BBS9: variants seen among roughly 807,000 people sequenced by gnomAD.
BBS9 encodes the protein protein PTHB1.
Under a neutral mutation model 117.7 loss-of-function variants are expected in BBS9, and 89 were observed. That is an observed-to-expected ratio of 0.76 (90% confidence interval 0.64 to 0.90). BBS9 has a LOEUF of 0.90. Among genes scored for constraint, BBS9 ranks in the 40% least tolerant of loss-of-function variants. The pLI is 0.00. For missense variants in BBS9, 982 were observed against 1,042.2 expected, an observed-to-expected ratio of 0.94 and a Z score of 0.80; for synonymous variants, 379 against 370.9, an observed-to-expected ratio of 1.02 and a Z score of -0.25.
chr7:33,296,588 C>G (rs148729901), intron 9 of BBS9, among the ~76,000 whole-genome samples: 190 of 152,280 alleles, frequency 1.2e-3, no homozygotes, highest in South Asian at 6.8e-3. Context: ...TGGCAATTCT[C>G]TCAGCTAGCC....
chr7:33,252,100 TAGTG>T (rs1257652096), intron 5 of BBS9, among the ~76,000 whole-genome samples: 4 of 152,176 alleles, frequency 2.6e-5, no homozygotes, highest in Admixed American at 2.0e-4. Context: ...ACATGTCACA[TAGTG>T]AGAGCAGGAG....
At chr7:33,447,584 C>T (rs1376901320) in intron 19 of BBS9, among the ~76,000 whole-genome samples, 1 of 152,124 alleles carries the variant, frequency 6.6e-6, no homozygotes, top group Non-Finnish European at 1.5e-5. Flanking sequence ...TTTTAAAATA[C>T]GTATCTGCTA....
At chr7:33,603,023 G>A (rs1279930352) in intron 21 of BBS9, among the ~76,000 whole-genome samples, 1 of 152,178 alleles carries the variant, frequency 6.6e-6, no homozygotes, top group Non-Finnish European at 1.5e-5. Context: ...AAAATACTGA[G>A]TCAGCTGGAA....
chr7:33,500,262 T>G (rs925168059), intron 19 of BBS9, among the ~76,000 whole-genome samples: 1 of 152,232 alleles, frequency 6.6e-6, no homozygotes, highest in Non-Finnish European at 1.5e-5. Context: ...TCTTCCTTAG[T>G]GTCTTTGCTT....
At chr7:33,176,031 G>A (rs954299699) in intron 4 of BBS9, among the ~76,000 whole-genome samples, 1 of 152,194 alleles carries the variant, frequency 6.6e-6, no homozygotes, top group Non-Finnish European at 1.5e-5. Context: ...GATTTAAGTT[G>A]AGGCCTTCTC....
chr7:33,586,132 T>C (rs1346980470), intron 21 of BBS9, among the ~76,000 whole-genome samples: 3 of 152,182 alleles, frequency 2.0e-5, no homozygotes, highest in African/African-American at 7.2e-5. Flanking sequence ...GCTAACTTGA[T>C]GTGTGGTTTT....
At chr7:33,544,216 T>C (rs1179931212) in intron 21 of BBS9, among the ~76,000 whole-genome samples, 1 of 152,204 alleles carries the variant, frequency 6.6e-6, no homozygotes, top group African/African-American at 2.4e-5. Context: ...AGGGATTTCT[T>C]CTTGGTTTGC....
At chr7:33,634,140 G>A (rs1866031296) in intron 21 of BBS9, among the ~76,000 whole-genome samples, 1 of 152,224 alleles carries the variant, frequency 6.6e-6, no homozygotes, top group Non-Finnish European at 1.5e-5. Context: ...GTGGAAACCT[G>A]CAGACTCCCT....
chr7:33,363,550 C>T (rs1380297760), intron 16 of BBS9, among the ~76,000 whole-genome samples: 1 of 152,186 alleles, frequency 6.6e-6, no homozygotes, highest in Admixed American at 6.5e-5. Context: ...TTACTTCTTC[C>T]ATTCCAACTG....
At chr7:33,282,228 A>G (rs1463644610) in intron 9 of BBS9, among the ~76,000 whole-genome samples, 1 of 152,222 alleles carries the variant, frequency 6.6e-6, no homozygotes, top group Admixed American at 6.5e-5. Flanking sequence ...GAAAAATAAA[A>G]TACCTTTTTA....
intron 9 of BBS9, among the ~76,000 whole-genome samples, chr7:33,292,962 T>C (rs1438130314): frequency 1.3e-5 from 2 of 149,452 alleles, no homozygotes. Context: ...GCTGAGATCA[T>C]GCCACTGCAC....
At chr7:33,158,039 A>C (rs1321014398) in intron 4 of BBS9, among the ~76,000 whole-genome samples, 1 of 152,202 alleles carries the variant, frequency 6.6e-6, no homozygotes, top group Non-Finnish European at 1.5e-5. Context: ...TTTCCAAAAG[A>C]TGTGTACTTC....
chr7:33,531,278 C>T (rs529362716), intron 20 of BBS9, among the ~76,000 whole-genome samples: 2 of 152,250 alleles, frequency 1.3e-5, no homozygotes, highest in East Asian at 1.9e-4. Flanking sequence ...GAGCGAGCCT[C>T]ATAAACCTAG....
At chr7:33,518,019 A>G (rs1293028974) in intron 20 of BBS9, among the ~76,000 whole-genome samples, 2 of 152,170 alleles carry the variant, frequency 1.3e-5, no homozygotes, top group Non-Finnish European at 1.5e-5. Flanking sequence ...CTCAAGCTAT[A>G]TAATTAATTT....
At chr7:33,271,622 A>G (rs774776432) in intron 7 of BBS9, among the ~76,000 whole-genome samples, 4 of 152,238 alleles carry the variant, frequency 2.6e-5, no homozygotes, top group African/African-American at 4.8e-5. Context: ...AGGGCATTAC[A>G]TAATAGTAAA....
At chr7:33,286,614 C>T (rs1299162561) in intron 9 of BBS9, among the ~76,000 whole-genome samples, 1 of 151,944 alleles carries the variant, frequency 6.6e-6, no homozygotes, top group African/African-American at 2.4e-5. Context: ...CTCTATTTCC[C>T]AGAGGAAAAA....
intron 9 of BBS9, among the ~76,000 whole-genome samples, chr7:33,297,489 A>T (rs1258160110): frequency 6.6e-6 from 1 of 152,202 alleles, no homozygotes; most frequent in East Asian, 1.9e-4. Context: ...TAAAACTGGT[A>T]GATGTGTTTT....
chr7:33,290,558 A>G (rs116489300), intron 9 of BBS9, among the ~76,000 whole-genome samples: 345 of 152,324 alleles, frequency 2.3e-3, no homozygotes, highest in African/African-American at 8.1e-3. Context: ...AAGCATCGAC[A>G]TTAAAAAAGG....
intron 17 of BBS9, among the ~76,000 whole-genome samples, chr7:33,376,508 G>A (rs918964901): frequency 6.6e-6 from 1 of 152,146 alleles, no homozygotes; most frequent in Non-Finnish European, 1.5e-5. Context: ...GAGCATATGA[G>A]TGCATGTATC....
Sources: allele counts gnomAD v4.1 joint callset (sites outside exome capture counted in the v4.1 genomes callset), GRCh38; gene constraint gnomAD v4.1.1; transcripts MANE v1.5; gene names NCBI Gene and HGNC (gene_info 2026-07-23, HGNC 2026-07-21).